The following CEP112 variants were observed in gnomAD, a reference collection of about 807,000 sequenced individuals.
The protein encoded by CEP112 is centrosomal protein of 112 kDa.
CEP112 carries 127 observed loss-of-function variants against 153.0 expected under a neutral mutation model. The observed-to-expected ratio is 0.83, with a 90% CI of 0.72 to 0.96. The LOEUF (loss-of-function observed/expected upper bound fraction) is 0.96, where lower values mean the gene tolerates loss of function less well. Ranked by LOEUF, CEP112 falls within the 40% of genes least tolerant of loss-of-function variation. CEP112 has a pLI of 0.00. For synonymous variants in CEP112, 358 were observed against 374.4 expected, an observed-to-expected ratio of 0.96 and a Z score of 0.51; for missense variants, 1,089 against 1,101.2, an observed-to-expected ratio of 0.99 and a Z score of 0.16.
chr17:65,832,676 A>ACC lies in CEP112; in HGVS notation c.2394+19126_2394+19127dup, dbSNP rs1449176016. On this transcript the variant is annotated intron_variant, in intron 21 of 26. Coordinates refer to ENST00000535342, the MANE Select transcript of CEP112 (RefSeq NM_001199165.4). ...AGGAAGAAATTTATTTCATGAACAGACCAATAACAAACTCCAAAACTGAAT... is the reference window on the plus strand; with the variant it reads ...AGGAAGAAATTTATTTCATGAACAGACCCCAATAACAAACTCCAAAACTGAAT... Among the ~76,000 whole-genome samples the ACC allele has an allele frequency of 5.5e-3, 833 of 152,242 alleles. 4 individuals carry two copies. The highest frequency in any genetic ancestry group is 0.019 in the African/African-American group (803 of 41,548).
intron 21 of CEP112, among the ~76,000 whole-genome samples, chr17:65,808,166 C>T (rs2055724824): frequency 6.6e-6 from 1 of 152,216 alleles, no homozygotes; most frequent in Non-Finnish European, 1.5e-5. Flanking sequence ...GATTTAATGA[C>T]TGCCCTGTTG....
chr17:65,772,132 T>C lies in CEP112; in HGVS notation c.2395-21408A>G, dbSNP rs113954085. ...GTACTTAGAGGAAATTTTTAGCTTC[T>C]GAATTCTTTTATTAGCAAAGAAGGG... On this transcript the variant is annotated intron_variant, in intron 21 of 26. Coordinates refer to ENST00000535342, the MANE Select transcript of CEP112 (RefSeq NM_001199165.4). 7.3e-3 allele frequency among the ~76,000 whole-genome samples: 1,115 copies of C among 152,356 alleles called. 15 individuals carry two copies. Among genetic ancestry groups the C allele is most frequent in the African/African-American group, 0.025 (1,052 of 41,588 alleles).
Position 65,679,129 on chromosome 17 carries a change from C to CTTTTTTTTTTTT in CEP112, c.2697+9988_2697+9999dup, listed in dbSNP as rs57907674. 5.4e-4 allele frequency among the ~76,000 whole-genome samples: 17 copies of CTTTTTTTTTTTT among 31,630 alleles called. 7 individuals are homozygous for CTTTTTTTTTTTT. Among genetic ancestry groups the CTTTTTTTTTTTT allele is most frequent in the Non-Finnish European group, 9.5e-4 (16 of 16,756 alleles). The allele number at this position is 31,630 out of a possible 152,430, so 20.8% of individuals were successfully genotyped here. A position where few individuals can be genotyped will look rare whatever the true frequency, so the allele number is the denominator to read the frequency against. ...AATGTCCTTGACACTGTGGTTCAAG[C>CTTTTTTTTTTTT]TTTTTTTTTTTTTTTTTTTTTTTTT... is the stretch of plus-strand genomic sequence containing the variant. On this transcript the variant is annotated intron_variant, in intron 24 of 26. Coordinates refer to ENST00000535342, the MANE Select transcript of CEP112 (RefSeq NM_001199165.4).
Position 66,005,771 on chromosome 17 carries a change from T to C in CEP112, c.1657-2A>G, listed in dbSNP as rs770426484. ...AAGTTCACTCTGCAAGTCATGAGCC[T>C]GCCATGACAAGAACATGGAAAATTT... On this transcript the variant is annotated splice_acceptor_variant, in intron 16 of 26. Coordinates refer to ENST00000535342, the MANE Select transcript of CEP112 (RefSeq NM_001199165.4). LOFTEE classifies it high-confidence loss of function. The C allele has an allele frequency of 1.3e-6, 2 of 1,595,164 alleles. No homozygotes were observed. Among genetic ancestry groups the C allele is most frequent in the East Asian group, 2.3e-5 (1 of 44,132 alleles).
At chr17:65,811,518 C>T (rs2055954204) in intron 21 of CEP112, among the ~76,000 whole-genome samples, 2 of 152,144 alleles carry the variant, frequency 1.3e-5, no homozygotes, top group South Asian at 4.1e-4. Context: ...TACCCCTGAA[C>T]AGGTGGCTGA....
intron 19 of CEP112, among the ~76,000 whole-genome samples, chr17:65,924,240 T>A (rs1357635950): frequency 1.3e-5 from 2 of 152,160 alleles, no homozygotes; most frequent in African/African-American, 4.8e-5. Flanking sequence ...CCTCCCAAAG[T>A]GCTGGGATTA....
intron 11 of CEP112, among the ~76,000 whole-genome samples, chr17:66,056,525 A>C (rs770787226): frequency 2.6e-4 from 39 of 152,254 alleles, no homozygotes; most frequent in Non-Finnish European, 5.6e-4. Context: ...AATGTGGTCT[A>C]TCCATACAAC....
chr17:65,727,228 T>C (rs988819109), intron 23 of CEP112, among the ~76,000 whole-genome samples: 4 of 152,228 alleles, frequency 2.6e-5, no homozygotes, highest in African/African-American at 9.6e-5. Flanking sequence ...GATTTACATT[T>C]ATTTGATTAT....
At chr17:65,970,417 A>G (rs1599195867) in intron 17 of CEP112, among the ~76,000 whole-genome samples, 1 of 94,426 alleles carries the variant, frequency 1.1e-5, no homozygotes, top group Non-Finnish European at 2.1e-5. Context: ...TCATGCATGT[A>G]TATTACATGC....
intron 17 of CEP112, among the ~76,000 whole-genome samples, chr17:66,004,381 C>T (rs1256815363): frequency 6.6e-6 from 1 of 152,130 alleles, no homozygotes; most frequent in Non-Finnish European, 1.5e-5. Context: ...ATCCCAACTA[C>T]TCAGGAGGCT....
rs527933238 is a variant in CEP112 at position 65,825,595 on chromosome 17, A to C, written c.2394+26209T>G. Among the ~76,000 whole-genome samples the C allele has an allele frequency of 5.4e-4, 82 of 152,348 alleles. No individual in the cohort carries two copies. In the Middle Eastern group the frequency reaches 0.01, roughly 19 times the overall value. On this transcript the variant is annotated intron_variant, in intron 21 of 26. Coordinates refer to ENST00000535342, the MANE Select transcript of CEP112 (RefSeq NM_001199165.4). ...CAGGTTTAGTTTTACAAAATAAAAAAAAATTCTCGAGACGGATCGTGGTGA... is the reference window on the plus strand; with the variant it reads ...CAGGTTTAGTTTTACAAAATAAAAACAAATTCTCGAGACGGATCGTGGTGA...
intron 24 of CEP112, among the ~76,000 whole-genome samples, chr17:65,664,885 C>T (rs2046613346): frequency 2.0e-5 from 3 of 152,184 alleles, no homozygotes; most frequent in Non-Finnish European, 4.4e-5. Flanking sequence ...CTGGGAAATC[C>T]AAGATCAGGG....
At chr17:66,100,853 C>T (rs1461378754) in intron 6 of CEP112, among the ~76,000 whole-genome samples, 4 of 151,952 alleles carry the variant, frequency 2.6e-5, no homozygotes, top group African/African-American at 9.7e-5. Flanking sequence ...CAACTATTTC[C>T]ATATCATTTA....
chr17:65,862,053 C>G (rs1321059588), intron 20 of CEP112, among the ~76,000 whole-genome samples: 1 of 152,122 alleles, frequency 6.6e-6, no homozygotes, highest in Non-Finnish European at 1.5e-5. Flanking sequence ...GAATCTTAAA[C>G]ATAAGATACT....
At chr17:65,759,425 C>T (rs1316279589) in intron 21 of CEP112, among the ~76,000 whole-genome samples, 4 of 152,056 alleles carry the variant, frequency 2.6e-5, no homozygotes, top group Non-Finnish European at 5.9e-5. Context: ...ACTATGAATC[C>T]AGTTATGGCC....
At chr17:65,643,991 G>T (rs1355274283) in intron 24 of CEP112, among the ~76,000 whole-genome samples, 2 of 152,126 alleles carry the variant, frequency 1.3e-5, no homozygotes, top group African/African-American at 4.8e-5. Flanking sequence ...CATACAGCAG[G>T]AATGGGAGCT....
intron 17 of CEP112, among the ~76,000 whole-genome samples, chr17:65,971,449 G>A: frequency 1.4e-5 from 1 of 72,828 alleles, no homozygotes; most frequent in Non-Finnish European, 2.9e-5. Flanking sequence ...GATGCCGCAT[G>A]CATGCATATC....
chr17:66,017,511 T>C (rs1326841349), intron 16 of CEP112, among the ~76,000 whole-genome samples: 1 of 152,196 alleles, frequency 6.6e-6, no homozygotes, highest in East Asian at 1.9e-4. Flanking sequence ...AGTCAATAAG[T>C]ATTGTTTTAA....
intron 3 of CEP112, among the ~76,000 whole-genome samples, chr17:66,175,824 A>G (rs1228675094): frequency 6.6e-6 from 1 of 152,224 alleles, no homozygotes; most frequent in Non-Finnish European, 1.5e-5. Context: ...ACATGATACA[A>G]TGTACTCATA....
Sources: gnomAD v4.1 joint callset for allele counts (sites outside exome capture counted in the v4.1 genomes callset) on GRCh38, gnomAD v4.1.1 for gene constraint, MANE v1.5 for transcripts, NCBI Gene and HGNC (gene_info 2026-07-23, HGNC 2026-07-21) for gene names.